The following PARD3B variants were observed in gnomAD, a reference collection of about 807,000 sequenced individuals.
The protein encoded by PARD3B is partitioning defective 3 homolog B.
A neutral mutation model predicts 130.2 loss-of-function variants in PARD3B; 103 were observed. That is an observed-to-expected ratio of 0.79 (90% CI 0.67 to 0.93). The LOEUF (loss-of-function observed/expected upper bound fraction) is 0.93, where lower values mean the gene tolerates loss of function less well. Ranked by LOEUF, PARD3B falls within the 40% of genes least tolerant of loss-of-function variation. The pLI, the probability that PARD3B is intolerant of heterozygous loss-of-function variation, is 0.00. For missense variants in PARD3B, 1,609 were observed against 1,499.2 expected (o/e 1.07, Z -1.21); for synonymous variants, 583 against 553.2 (o/e 1.05, Z -0.76).
chr2:205,519,714 T>C (rs1202031501), intron 21 of PARD3B, among the ~76,000 whole-genome samples: 1 of 152,222 alleles, frequency 6.6e-6, no homozygotes, highest in East Asian at 1.9e-4. Context: ...ATGTGGGTGT[T>C]CCATTTACTG....
At chr2:205,289,582 A>G (rs995070298) in intron 16 of PARD3B, among the ~76,000 whole-genome samples, 2 of 152,144 alleles carry the variant, frequency 1.3e-5, no homozygotes, top group African/African-American at 4.8e-5. Flanking sequence ...TAAAACTGCT[A>G]TGGTTGAGTG....
intron 15 of PARD3B, among the ~76,000 whole-genome samples, chr2:205,214,219 T>C (rs1183897183): frequency 6.6e-6 from 1 of 152,140 alleles, no homozygotes; most frequent in Non-Finnish European, 1.5e-5. Context: ...GTGCTTCTTA[T>C]TTATTAATCC....
intron 16 of PARD3B, among the ~76,000 whole-genome samples, chr2:205,279,827 G>A (rs540757497): frequency 1.3e-5 from 2 of 152,266 alleles, no homozygotes; most frequent in Admixed American, 1.3e-4. Context: ...AGAGAGGCAC[G>A]TTCTGGGAAG....
At chr2:205,026,424 A>G (rs1047572916) in intron 3 of PARD3B, among the ~76,000 whole-genome samples, 5 of 152,182 alleles carry the variant, frequency 3.3e-5, no homozygotes, top group Non-Finnish European at 5.9e-5. Flanking sequence ...TGTATAAATT[A>G]TACATGTACA....
intron 2 of PARD3B, among the ~76,000 whole-genome samples, chr2:204,917,062 G>T (rs2047473315): frequency 1.3e-5 from 2 of 152,154 alleles, no homozygotes; most frequent in South Asian, 2.1e-4. Flanking sequence ...GTTGCATAGG[G>T]TCATAAGTGA....
Position 205,057,181 on chromosome 2 carries a change from C to A in PARD3B, c.504+9491C>A, listed in dbSNP as rs1699693668. Among the ~76,000 whole-genome samples, 3 of 150,588 alleles carry A rather than the reference C, an allele frequency of 2.0e-5. No homozygotes were observed. The South Asian group carries it at 6.3e-4, about 31-fold the overall frequency. Reference sequence around the variant, plus strand: ...GTTTCATGAATAAAATTATGATATACCTACATATATGAATATATTTACAAA... The same window carrying A: ...GTTTCATGAATAAAATTATGATATAACTACATATATGAATATATTTACAAA... On this transcript the variant is annotated intron_variant, in intron 4 of 22. Transcript: ENST00000406610.
intron 11 of PARD3B, among the ~76,000 whole-genome samples, chr2:205,165,928 CA>C (rs1012461807): frequency 2.0e-5 from 3 of 151,886 alleles, no homozygotes; most frequent in African/African-American, 7.3e-5. Flanking sequence ...AGAACGTAAT[CA>C]AACTTTTTTT....
chr2:205,155,783 T>G (rs927099363), intron 10 of PARD3B, among the ~76,000 whole-genome samples: 1 of 152,172 alleles, frequency 6.6e-6, no homozygotes, highest in Non-Finnish European at 1.5e-5. Flanking sequence ...TGATTTGCAT[T>G]TCTCTGATGG....
At chr2:205,017,054 A>G (rs545234460) in intron 3 of PARD3B, among the ~76,000 whole-genome samples, 2 of 152,302 alleles carry the variant, frequency 1.3e-5, no homozygotes, top group East Asian at 3.9e-4. Context: ...ATAGTAGGAA[A>G]TAGTGAGAAA....
chr2:205,539,491 C>T (rs1300506455), intron 21 of PARD3B, among the ~76,000 whole-genome samples: 2 of 152,152 alleles, frequency 1.3e-5, no homozygotes, highest in African/African-American at 4.8e-5. Flanking sequence ...CCTCCAAGGC[C>T]GTGGTCAGGG....
In PARD3B at chr2:205,104,438, A is replaced by G. The variant is rs193246081; in HGVS notation, c.517A>G (p.Asn173Asp). The part of the protein sequence containing the change: ...LKLVVPDSTQ[N>D]LEDREVLNGV... ...TGTTTCACTATAGGATTCCACGCAGAACTTGGAAGACAGAGAAGTTTTGAA... is the reference window on the plus strand; with the variant it reads ...TGTTTCACTATAGGATTCCACGCAGGACTTGGAAGACAGAGAAGTTTTGAA... Residue 173 changes from asparagine to aspartate, a missense_variant, in exon 5 of 23, where the codon AAC becomes GAC. Coordinates refer to ENST00000406610, the MANE Select transcript of PARD3B (RefSeq NM_001302769.2). 7.2e-5 allele frequency: 115 copies of G among 1,598,260 alleles called. No homozygotes were observed. The Middle Eastern group carries it at 8.3e-4, about 12-fold the overall frequency.
chr2:205,329,257 C>A (rs1326008309), intron 18 of PARD3B, among the ~76,000 whole-genome samples: 3 of 152,116 alleles, frequency 2.0e-5, no homozygotes, highest in African/African-American at 7.2e-5. Context: ...GCAAAGACTA[C>A]AATTTAAAAT....
At chr2:204,766,595 A>G (rs1043174569) in intron 2 of PARD3B, among the ~76,000 whole-genome samples, 9 of 152,122 alleles carry the variant, frequency 5.9e-5, no homozygotes, top group African/African-American at 2.2e-4. Context: ...GATTTCCTTG[A>G]CAAATCTAAG....
At chr2:205,302,984 G>A (rs1231961701) in intron 18 of PARD3B, among the ~76,000 whole-genome samples, 1 of 152,020 alleles carries the variant, frequency 6.6e-6, no homozygotes, top group Non-Finnish European at 1.5e-5. Flanking sequence ...AAACAGCTTT[G>A]TTTCTTCTCT....
intron 4 of PARD3B, among the ~76,000 whole-genome samples, chr2:205,048,824 A>G (rs184647444): frequency 8.7e-4 from 133 of 152,302 alleles, no homozygotes; most frequent in African/African-American, 3.1e-3. Flanking sequence ...AGTATTTTAG[A>G]TGTAATGTTT....
At chr2:204,838,727 A>G (rs1020515986) in intron 2 of PARD3B, among the ~76,000 whole-genome samples, 1 of 152,192 alleles carries the variant, frequency 6.6e-6, no homozygotes, top group Non-Finnish European at 1.5e-5. Flanking sequence ...TCTTTCTAGC[A>G]TACAGAAAAG....
chr2:204,745,948 G>A (rs912911714), intron 2 of PARD3B, among the ~76,000 whole-genome samples: 8 of 150,866 alleles, frequency 5.3e-5, no homozygotes, highest in Non-Finnish European at 1.2e-4. Context: ...GGCGTAAAAC[G>A]AACAAAAACA....
At chr2:204,839,039 G>T (rs951422822) in intron 2 of PARD3B, among the ~76,000 whole-genome samples, 1 of 152,166 alleles carries the variant, frequency 6.6e-6, no homozygotes, top group Non-Finnish European at 1.5e-5. Flanking sequence ...AAGTAAGCTA[G>T]ATGTTGATTT....
intron 2 of PARD3B, among the ~76,000 whole-genome samples, chr2:204,818,076 A>G (rs2043208736): frequency 6.6e-6 from 1 of 152,152 alleles, no homozygotes; most frequent in African/African-American, 2.4e-5. Flanking sequence ...TATCCTAATG[A>G]CATACTCTCT....
Sources: allele counts gnomAD v4.1 joint callset (sites outside exome capture counted in the v4.1 genomes callset), GRCh38; gene constraint gnomAD v4.1.1; transcripts MANE v1.5; gene names NCBI Gene and HGNC (gene_info 2026-07-23, HGNC 2026-07-21).